SPATA17: variants seen among roughly 807,000 people sequenced by gnomAD.
The protein encoded by SPATA17 is spermatogenesis associated 17.
SPATA17 carries 53 observed loss-of-function variants against 62.2 expected under a neutral mutation model. The observed-to-expected ratio is 0.85, with a 90% CI of 0.68 to 1.07. SPATA17 has a LOEUF of 1.07. Ranked by LOEUF, SPATA17 falls within the 50% of genes least tolerant of loss-of-function variation. The pLI, the probability that SPATA17 is intolerant of heterozygous loss-of-function variation, is 0.00. For synonymous variants in SPATA17, 146 were observed against 146.8 expected, an observed-to-expected ratio of 0.99 and a Z score of 0.04; for missense variants, 466 against 425.5, an observed-to-expected ratio of 1.10 and a Z score of -0.84.
intron 3 of SPATA17, among the ~76,000 whole-genome samples, chr1:217,661,305 T>C (rs191384094): frequency 2.6e-5 from 4 of 152,038 alleles, no homozygotes; most frequent in African/African-American, 4.8e-5. Flanking sequence ...AGAAAACTTA[T>C]AGGAAACTTG....
At chr1:217,679,572 G>A (rs1350847684) in intron 4 of SPATA17, among the ~76,000 whole-genome samples, 1 of 152,150 alleles carries the variant, frequency 6.6e-6, no homozygotes, top group African/African-American at 2.4e-5. Context: ...CTTTAGTGTG[G>A]ATGAGTTTTA....
intron 5 of SPATA17, among the ~76,000 whole-genome samples, chr1:217,707,298 GT>G (rs1315700883): frequency 1.8e-4 from 28 of 152,230 alleles, no homozygotes; most frequent in African/African-American, 6.0e-4. Context: ...CTTTGCTGAA[GT>G]TGTTATCAGG....
rs1169769435 is a variant in SPATA17, at chr1:217,683,427, A to G, written c.395+66A>G. ...AAAGATTACTCAATAGATGTTGATCAACACCATAGTTAGAAATATTTTTTT... is the reference window on the plus strand; with the variant it reads ...AAAGATTACTCAATAGATGTTGATCGACACCATAGTTAGAAATATTTTTTT... On this transcript the variant is annotated intron_variant, in intron 5 of 10. Transcript: ENST00000366933. 3 of 1,015,644 alleles carry G rather than the reference A, an allele frequency of 3.0e-6. No individual in the cohort carries two copies. In the East Asian group the frequency reaches 7.6e-5, roughly 26 times the overall value. The allele number at this position is 1,015,644 out of a possible 1,614,324, so 62.9% of individuals were successfully genotyped here. A position where few individuals can be genotyped will look rare whatever the true frequency, so the allele number is the denominator to read the frequency against.
At position 217,825,149 on chromosome 1, in the gene SPATA17, G is replaced by A. The variant is rs191853921; in HGVS notation, c.1005+23299G>A. Among the ~76,000 whole-genome samples, 1,029 of 151,184 alleles carry A rather than the reference G, an allele frequency of 6.8e-3. 8 individuals carry two copies. The highest frequency in any genetic ancestry group is 0.015 in the Middle Eastern group (4 of 270). ...CTATTATTTAGGAATAAAAACATAT[G>A]CAGTAAAAGTATAGAGAAAAGCAAA... On this transcript the variant is annotated intron_variant, in intron 9 of 10. Coordinates refer to ENST00000366933, the MANE Select transcript of SPATA17 (RefSeq NM_138796.4).
rs761988804 is a variant in SPATA17 at position 217,669,069 on chromosome 1, G to T, written c.277G>T (p.Ala93Ser). 6.2e-7 allele frequency: 1 copy of T among 1,610,786 alleles called. No homozygotes were observed. Among genetic ancestry groups the T allele is most frequent in the Non-Finnish European group, 8.5e-7 (1 of 1,178,850 alleles). Residue 93 changes from alanine to serine, a missense_variant, in exon 4 of 11, where the codon GCA (alanine) becomes TCA (serine). By Grantham distance (99) the Ala-to-Ser change is moderately conservative. Transcript: ENST00000366933. The stretch of plus-strand genomic sequence containing the variant: ...TACTATGATGATGAATCTCTACAAT[G>T]CAATGGCTGTCAGGGTAAATATTTC... ...YYTMMMNLYN[A>S]MAVRIQRRWR...
intron 3 of SPATA17, among the ~76,000 whole-genome samples, chr1:217,653,388 C>G (rs1670366955): frequency 6.6e-6 from 1 of 151,762 alleles, no homozygotes; most frequent in African/African-American, 2.4e-5. Flanking sequence ...ATCAATCCAT[C>G]TAAACTGCTA....
chr1:217,823,637 A>G (rs1674922307), intron 9 of SPATA17, among the ~76,000 whole-genome samples: 1 of 151,930 alleles, frequency 6.6e-6, no homozygotes, highest in Admixed American at 6.6e-5. Flanking sequence ...TTTGGTCTAT[A>G]GTACAGTTTA....
At chr1:217,740,862 G>A (rs920286875) in intron 5 of SPATA17, among the ~76,000 whole-genome samples, 1 of 152,122 alleles carries the variant, frequency 6.6e-6, no homozygotes, top group Non-Finnish European at 1.5e-5. Context: ...CATTTATTTT[G>A]CAATTTAATC....
At position 217,862,770 on chromosome 1, in the gene SPATA17, C is replaced by A; in HGVS notation, c.1006-4C>A. 1 of 1,597,274 alleles carries A rather than the reference C, an allele frequency of 6.3e-7. No individual in the cohort carries two copies. Among genetic ancestry groups the A allele is most frequent in the Non-Finnish European group, 8.5e-7 (1 of 1,171,302 alleles). ...GTGGTAATCTTTGAACTTTTTCCTC[C>A]TAGGATTTCCAGACTGTATTACCAT... On this transcript the variant is annotated splice_region_variant and splice_polypyrimidine_tract_variant and intron_variant, in intron 9 of 10. Coordinates refer to ENST00000366933, the MANE Select transcript of SPATA17 (RefSeq NM_138796.4).
intron 9 of SPATA17, among the ~76,000 whole-genome samples, chr1:217,844,968 C>A (rs1380596430): frequency 6.6e-6 from 1 of 151,954 alleles, no homozygotes; most frequent in Non-Finnish European, 1.5e-5. Flanking sequence ...TTGAAATAGC[C>A]AAATACTACA....
intron 9 of SPATA17, among the ~76,000 whole-genome samples, chr1:217,827,340 C>T (rs1379249821): frequency 1.3e-5 from 2 of 152,082 alleles, no homozygotes; most frequent in African/African-American, 2.4e-5. Context: ...AATGTCCATA[C>T]TACCCAAAGC....
At chr1:217,753,353 C>A (rs904299881) in intron 6 of SPATA17, among the ~76,000 whole-genome samples, 2 of 152,296 alleles carry the variant, frequency 1.3e-5, no homozygotes, top group Non-Finnish European at 2.9e-5. Flanking sequence ...TATACATAAT[C>A]ATCGGCACAC....
intron 5 of SPATA17, among the ~76,000 whole-genome samples, chr1:217,694,697 A>G (rs1255065834): frequency 2.0e-5 from 3 of 151,208 alleles, no homozygotes; most frequent in South Asian, 2.1e-4. Context: ...GGTGGTGACA[A>G]AATCTCTCAG....
At chr1:217,825,153 T>G (rs936555100) in intron 9 of SPATA17, among the ~76,000 whole-genome samples, 2 of 151,514 alleles carry the variant, frequency 1.3e-5, no homozygotes, top group Non-Finnish European at 3.0e-5. Context: ...ACATATGCAG[T>G]AAAAGTATAG....
chr1:217,838,363 T>A (rs997826055), intron 9 of SPATA17, among the ~76,000 whole-genome samples: 7 of 152,064 alleles, frequency 4.6e-5, no homozygotes, highest in African/African-American at 1.7e-4. Context: ...CCTCTAGTGT[T>A]GTAGAGAACT....
In SPATA17 at chr1:217,742,075, C is replaced by G; in HGVS notation, c.496C>G (p.His166Asp). The change falls in exon 6 of 11, where the codon CAT becomes GAT. Residue 166 changes from histidine (H) to aspartate (D), a missense_variant. Transcript: ENST00000366933. ...KKRDYQARKM[H>D]YLLSTKQIPG... ...AAGAGATTACCAAGCCCGAAAGATG[C>G]ATTACCTCCTCAGCACAAAGCAGGT... 1 of 1,614,116 alleles carries G rather than the reference C, an allele frequency of 6.2e-7. No individual in the cohort carries two copies. Among genetic ancestry groups the G allele is most frequent in the Non-Finnish European group, 8.5e-7 (1 of 1,179,996 alleles).
In SPATA17 at chr1:217,669,057, A is replaced by G; in HGVS notation, c.265A>G (p.Asn89Asp). 1 of 1,611,646 alleles carries G rather than the reference A, an allele frequency of 6.2e-7. No individual in the cohort carries two copies. Among genetic ancestry groups the G allele is most frequent in the African/African-American group, 1.3e-5 (1 of 74,982 alleles). Reference sequence around the variant, plus strand: ...GGTAGCATATTATACTATGATGATGAATCTCTACAATGCAATGGCTGTCAG... The same window carrying G: ...GGTAGCATATTATACTATGATGATGGATCTCTACAATGCAATGGCTGTCAG... ...VQVAYYTMMM[N>D]LYNAMAVRIQ... Residue 89 changes from asparagine to aspartate, a missense_variant, in exon 4 of 11, where the codon AAT becomes GAT. Asn to Asp is a conservative substitution (Grantham distance 23). Transcript: ENST00000366933.
chr1:217,691,054 G>A (rs1217598683), intron 5 of SPATA17, among the ~76,000 whole-genome samples: 1 of 145,278 alleles, frequency 6.9e-6, no homozygotes, highest in Non-Finnish European at 1.5e-5. Context: ...AGATCCCTGA[G>A]GAATTGCCAC....
At chr1:217,796,624 C>CT (rs1674157895) in intron 8 of SPATA17, among the ~76,000 whole-genome samples, 1 of 152,116 alleles carries the variant, frequency 6.6e-6, no homozygotes, top group Admixed American at 6.5e-5. Context: ...GAATTCTACT[C>CT]TAAGTATAAA....
Sources: gnomAD v4.1 joint callset for allele counts (sites outside exome capture counted in the v4.1 genomes callset) on GRCh38, gnomAD v4.1.1 for gene constraint, MANE v1.5 for transcripts, NCBI Gene and HGNC (gene_info 2026-07-23, HGNC 2026-07-21) for gene names.